Variants in ZNF506 observed in about 807,000 individuals in gnomAD.
ZNF506 encodes zinc finger protein 506.
In ZNF506, 10 loss-of-function variants were observed where a neutral mutation model predicts 11.6. The observed-to-expected ratio is 0.86, with a 90% CI of 0.53 to 1.46. The LOEUF (loss-of-function observed/expected upper bound fraction) is 1.46. Ranked by LOEUF, ZNF506 falls within the 40% of genes most tolerant of loss-of-function variation. ZNF506 has a pLI of 0.00. For synonymous variants in ZNF506, 156 were observed against 173.3 expected (o/e 0.90, Z 0.78); for missense variants, 425 against 521.2 (o/e 0.82, Z 1.80).
At chr19:19,813,448 T>C (rs2145201175) in intron 1 of ZNF506, among the ~76,000 whole-genome samples, 1 of 152,332 alleles carries the variant, frequency 6.6e-6, no homozygotes, top group East Asian at 1.9e-4. Flanking sequence ...TATACTCTGC[T>C]GGTAGGAGTG....
At chr19:19,806,734 C>T (rs753410468) in intron 2 of ZNF506, among the ~76,000 whole-genome samples, 18 of 152,262 alleles carry the variant, frequency 1.2e-4, no homozygotes, top group Non-Finnish European at 2.5e-4. Flanking sequence ...AAGAACACAG[C>T]TCAACTCAGG....
At chr19:19,818,095 T>C (rs2062947183) in intron 1 of ZNF506, among the ~76,000 whole-genome samples, 1 of 152,224 alleles carries the variant, frequency 6.6e-6, no homozygotes, top group Non-Finnish European at 1.5e-5. Flanking sequence ...CCCAAAGTGC[T>C]GGGATTACAG....
intron 1 of ZNF506, among the ~76,000 whole-genome samples, chr19:19,812,921 CT>C: frequency 6.6e-6 from 1 of 152,174 alleles, no homozygotes; most frequent in East Asian, 1.9e-4. Flanking sequence ...TTTCAGAATA[CT>C]TTTATAAAGT....
chr19:19,806,764 A>T (rs2062838673), intron 2 of ZNF506, among the ~76,000 whole-genome samples, 178 bp downstream of exon 2: 1 of 152,234 alleles, frequency 6.6e-6, no homozygotes, highest in Admixed American at 6.5e-5. Flanking sequence ...AGTTTGGATT[A>T]AGATGAAACA....
At chr19:19,821,072 G>GT (rs2062964090) in intron 1 of ZNF506, among the ~76,000 whole-genome samples, 1 of 152,098 alleles carries the variant, frequency 6.6e-6, no homozygotes. Flanking sequence ...GCTAACTTTT[G>GT]TATTTTTAGT....
rs2062734965 is a variant in ZNF506, at chr19:19,795,673, AT to A, written c.227-14del. 2 of 1,485,852 alleles carry A rather than the reference AT, an allele frequency of 1.3e-6. No individual in the cohort carries two copies. The highest frequency in any genetic ancestry group is 8.9e-7 in the Non-Finnish European group (1 of 1,120,892). The allele number at this position is 1,485,852 out of a possible 1,614,324, so 92.0% of individuals were successfully genotyped here. ...TGAGAATACATAACTGAAAGAAACA[AT>A]AAAAACACATGACTTCAATTGCTAG... is the stretch of plus-strand genomic sequence containing the variant. On this transcript the variant is annotated splice_polypyrimidine_tract_variant and intron_variant, in intron 3 of 3. Coordinates refer to ENST00000540806, the MANE Select transcript of ZNF506 (RefSeq NM_001099269.3).
intron 2 of ZNF506, 91 bp from the exon 3 acceptor site, chr19:19,806,217 A>G (rs2062834997): frequency 4.5e-6 from 4 of 898,110 alleles, no homozygotes; most frequent in Admixed American, 3.0e-5. Flanking sequence ...GTGATAAAGT[A>G]TTCTAGTAAA....
chr19:19,807,798 G>A (rs1424044423), intron 1 of ZNF506, among the ~76,000 whole-genome samples: 7 of 151,624 alleles, frequency 4.6e-5, no homozygotes, highest in African/African-American at 1.5e-4. Context: ...GTGAGCCACC[G>A]CGCCCGGTCA....
Position 19,794,934 on chromosome 19 carries a change from C to G in ZNF506, c.953G>C (p.Cys318Ser). ...TGAGGAACGGTTAAAAGCTTTGCCA[C>G]ATTCCTCACATTTGTAGGGTTTCTC... is the stretch of plus-strand genomic sequence containing the variant. The part of the protein sequence containing the change: ...TGEKPYKCEE[C>S]GKAFNRSSNL... The change falls in exon 4 of 4, where the codon TGT becomes TCT. Residue 318 changes from cysteine to serine, a missense_variant. Transcript: ENST00000540806. The G allele has an allele frequency of 6.2e-7, 1 of 1,613,934 alleles. No individual in the cohort carries two copies. The highest frequency in any genetic ancestry group is 8.5e-7 in the Non-Finnish European group (1 of 1,180,002).
Position 19,794,289 on chromosome 19 carries a change from G to A in ZNF506, c.*263C>T, listed in dbSNP as rs756474938. ...CGTGCCATTGCACTCCAGCCTGGGT[G>A]ACAAGAGTGAAACTCCATCTCAAAA... On this transcript the variant is annotated 3_prime_UTR_variant, in exon 4 of 4. Transcript: ENST00000540806. The A allele has an allele frequency of 3.4e-6, 1 of 296,250 alleles. No homozygotes were observed. Among genetic ancestry groups the A allele is most frequent in the Non-Finnish European group, 6.2e-6 (1 of 160,104 alleles). The allele number at this position is 296,250 out of a possible 1,614,324, so 18.4% of individuals were successfully genotyped here.
Position 19,794,074 on chromosome 19 carries a change from C to G in ZNF506, c.*478G>C, listed in dbSNP as rs1021168949. 1 of 156,144 alleles carries G rather than the reference C, an allele frequency of 6.4e-6. No homozygotes were observed. The highest frequency in any genetic ancestry group is 1.4e-5 in the Non-Finnish European group (1 of 70,622). 9.7% of individuals were successfully genotyped at this position (156,144 alleles called of 1,614,324 possible). A position where few individuals can be genotyped will look rare whatever the true frequency, so the allele number is the denominator to read the frequency against. On this transcript the variant is annotated 3_prime_UTR_variant, in exon 4 of 4. Coordinates refer to ENST00000540806, the MANE Select transcript of ZNF506 (RefSeq NM_001099269.3). ...CCTGTCATCTCAGCACTTTAGGATGCCGAGGTGGGTGGACCATCTGAGGTC... is the reference window on the plus strand; with the variant it reads ...CCTGTCATCTCAGCACTTTAGGATGGCGAGGTGGGTGGACCATCTGAGGTC...
At chr19:19,804,525 C>T (rs9710482) in intron 3 of ZNF506, among the ~76,000 whole-genome samples, 10,778 of 152,136 alleles carry the variant, frequency 0.071, 793 homozygotes, top group African/African-American at 0.18. Context: ...GACAGTGTGG[C>T]GATTCTTCAA....
Position 19,794,609 on chromosome 19 carries a change from T to C in ZNF506, c.1278A>G (p.Ile426Met). The C allele has an allele frequency of 5.6e-6, 9 of 1,609,168 alleles. No homozygotes were observed. The highest frequency in any genetic ancestry group is 7.6e-6 in the Non-Finnish European group (9 of 1,178,496). Residue 426 changes from isoleucine to methionine, a missense_variant, in exon 4 of 4, where the codon ATA becomes ATG. By Grantham distance (10) the Ile-to-Met change is conservative. This residue lies in a region of ZNF506 where 192 missense variants were observed against 215.7 expected (regional missense o/e 0.89). Transcript: ENST00000540806. ...KKIHIRQKPC[I>M]VKNVENLLNV... ...TTAAAAGATTTTCCACATTCTTCAC[T>C]ATGCAGGGTTTCTGTCTAATATGAA...
chr19:19,814,101 C>A (rs374278192), intron 1 of ZNF506, among the ~76,000 whole-genome samples: 12 of 151,930 alleles, frequency 7.9e-5, no homozygotes, highest in African/African-American at 2.4e-4. Flanking sequence ...AGCTGGAGAC[C>A]ATTATTCTTA....
At chr19:19,802,005 G>A (rs534384774) in intron 3 of ZNF506, among the ~76,000 whole-genome samples, 2 of 151,636 alleles carry the variant, frequency 1.3e-5, no homozygotes, top group South Asian at 4.2e-4. Flanking sequence ...GGAGTTCAAA[G>A]ACCAGCCTGA....
At chr19:19,799,482 T>G in intron 3 of ZNF506, 1 of 652,370 alleles carries the variant, frequency 1.5e-6, no homozygotes. Flanking sequence ...CTTAACACAT[T>G]TTTTTAAACT....
chr19:19,799,443 T>C (rs1463690342), intron 3 of ZNF506: 2 of 677,026 alleles, frequency 3.0e-6, no homozygotes, highest in Admixed American at 2.3e-5. Flanking sequence ...TTCCTCTTTA[T>C]AGACCACCTG....
chr19:19,794,969 A>T lies in ZNF506; in HGVS notation c.918T>A (p.Ile306=). ...ATTTGTAGGGTTTCTCTCCAGTATG[A>T]ATTATCTCATGTTTAGTAAGGGTTG... ...SSSTLTKHEI[I]HTGEKPYKCE... Residue 306 remains isoleucine, a synonymous_variant, in exon 4 of 4, where the codon ATT becomes ATA. Transcript: ENST00000540806. The T allele has an allele frequency of 6.2e-7, 1 of 1,613,882 alleles. No individual in the cohort carries two copies. Among genetic ancestry groups the T allele is most frequent in the Non-Finnish European group, 8.5e-7 (1 of 1,179,990 alleles).
At chr19:19,816,745 C>T (rs906390900) in intron 1 of ZNF506, among the ~76,000 whole-genome samples, 1 of 151,496 alleles carries the variant, frequency 6.6e-6, no homozygotes, top group Non-Finnish European at 1.5e-5. Context: ...TCAACTCGGC[C>T]TCCACAGGCT....
Sources: allele counts gnomAD v4.1 joint callset (sites outside exome capture counted in the v4.1 genomes callset), GRCh38; gene constraint gnomAD v4.1.1; regional missense constraint gnomAD v4.1.1; transcripts MANE v1.5; gene names NCBI Gene and HGNC (gene_info 2026-07-23, HGNC 2026-07-21).